NALCN: variants seen among roughly 807,000 people sequenced by gnomAD.
NALCN encodes the protein sodium leak channel NALCN.
In NALCN, 111 loss-of-function variants were observed where a neutral mutation model predicts 225.3. That is an observed-to-expected ratio of 0.49 (90% CI 0.42 to 0.58). The LOEUF (loss-of-function observed/expected upper bound fraction) is 0.58. Among genes scored for constraint, NALCN ranks in the 20% least tolerant of loss-of-function variants. The pLI, the probability that NALCN is intolerant of heterozygous loss-of-function variation, is 0.00. For missense variants in NALCN, 1,378 were observed against 2,202.4 expected (o/e 0.63, Z 7.49); for synonymous variants, 764 against 769.0 (o/e 0.99, Z 0.11).
chr13:101,262,996 C>T (rs2042479456), intron 10 of NALCN, among the ~76,000 whole-genome samples: 1 of 152,172 alleles, frequency 6.6e-6, no homozygotes, highest in African/African-American at 2.4e-5. Context: ...TTTTGTGAAT[C>T]AAGCATTTTT....
At chr13:101,189,503 C>A (rs1566406253) in intron 14 of NALCN, among the ~76,000 whole-genome samples, 1 of 152,288 alleles carries the variant, frequency 6.6e-6, no homozygotes, top group Non-Finnish European at 1.5e-5. Context: ...ACCTTGGAAA[C>A]TGGGTGTATT....
intron 6 of NALCN, among the ~76,000 whole-genome samples, chr13:101,373,830 T>C (rs893970598): frequency 6.6e-6 from 1 of 152,150 alleles, no homozygotes; most frequent in Non-Finnish European, 1.5e-5. Context: ...AGGATCATAA[T>C]TTTCAGGAAG....
intron 13 of NALCN, among the ~76,000 whole-genome samples, chr13:101,198,591 A>T (rs2140029832): frequency 6.6e-6 from 1 of 152,358 alleles, no homozygotes; most frequent in Non-Finnish European, 1.5e-5. Flanking sequence ...CCATAATGAG[A>T]TACTATCTCA....
chr13:101,241,401 G>C (rs547482836), intron 11 of NALCN, among the ~76,000 whole-genome samples: 5 of 152,078 alleles, frequency 3.3e-5, no homozygotes, highest in Non-Finnish European at 7.4e-5. Context: ...CGAGTGGGCA[G>C]GCTGTCTTAC....
chr13:101,372,237 C>A (rs1053765600), intron 6 of NALCN, among the ~76,000 whole-genome samples: 1 of 152,128 alleles, frequency 6.6e-6, no homozygotes, highest in Admixed American at 6.5e-5. Flanking sequence ...TTGAAAATTT[C>A]TGTCATGTCT....
chr13:101,402,664 T>A (rs2047507409), intron 1 of NALCN, among the ~76,000 whole-genome samples: 1 of 152,180 alleles, frequency 6.6e-6, no homozygotes, highest in Non-Finnish European at 1.5e-5. Context: ...CCTTAAGTGA[T>A]CACCTGTTGT....
chr13:101,392,291 A>C (rs1249930070), intron 3 of NALCN, among the ~76,000 whole-genome samples: 6 of 152,142 alleles, frequency 3.9e-5, no homozygotes, highest in African/African-American at 1.2e-4. Context: ...TATATAACAA[A>C]ACAACACATT....
chr13:101,367,986 ATTTAT>A lies in NALCN; in HGVS notation c.644+8709_644+8713del, dbSNP rs60539617. On this transcript the variant is annotated intron_variant, in intron 6 of 43. Transcript: ENST00000251127. ...GAATTCTTTTTTTGACTTTTTTGAA[ATTTAT>A]TTTATTTTATTTTATTTTATTATTA... Among the ~76,000 whole-genome samples, 630 of 148,340 alleles carry A rather than the reference ATTTAT, an allele frequency of 4.2e-3. No homozygotes were observed. The East Asian group carries it at 0.046, about 11-fold the overall frequency.
intron 15 of NALCN, among the ~76,000 whole-genome samples, chr13:101,150,422 A>T (rs1336806729): frequency 6.6e-6 from 1 of 152,194 alleles, no homozygotes; most frequent in African/African-American, 2.4e-5. Flanking sequence ...CAGTTAAGCA[A>T]AATTATTCCA....
chr13:101,129,301 CT>C (rs1008933169), intron 17 of NALCN, among the ~76,000 whole-genome samples: 4 of 152,128 alleles, frequency 2.6e-5, no homozygotes, highest in Admixed American at 2.6e-4. Context: ...TAACCAATTA[CT>C]ATTTAAAAAA....
chr13:101,310,361 T>C (rs116734161), intron 7 of NALCN, among the ~76,000 whole-genome samples: 39 of 152,290 alleles, frequency 2.6e-4, no homozygotes, highest in African/African-American at 8.9e-4. Context: ...TCAAGACCTG[T>C]TGGCCTCCTC....
At chr13:101,298,787 T>C (rs2043847676) in intron 7 of NALCN, among the ~76,000 whole-genome samples, 1 of 152,200 alleles carries the variant, frequency 6.6e-6, no homozygotes, top group East Asian at 1.9e-4. Flanking sequence ...CCCTGACCTC[T>C]ACCCACTAAA....
chr13:101,258,392 G>A (rs755572550), intron 11 of NALCN, 51 bp downstream of exon 11: 7 of 1,609,714 alleles, frequency 4.3e-6, no homozygotes, highest in South Asian at 2.2e-5. Context: ...GGCACTGTCC[G>A]CGGTTCACCT....
chr13:101,079,626 G>A (rs1566790381), intron 34 of NALCN, among the ~76,000 whole-genome samples: 1 of 152,186 alleles, frequency 6.6e-6, no homozygotes, highest in Non-Finnish European at 1.5e-5. Flanking sequence ...AGATTTGTGA[G>A]CAATTGATGA....
At chr13:101,112,565 C>T (rs753907731) in intron 18 of NALCN, among the ~76,000 whole-genome samples, 3 of 152,180 alleles carry the variant, frequency 2.0e-5, no homozygotes, top group Non-Finnish European at 4.4e-5. Flanking sequence ...GTTGAGTGAT[C>T]TTTGGGCCTA....
chr13:101,107,680 C>T lies in NALCN; in HGVS notation c.2456+18G>A, dbSNP rs769191728. 1 of 1,613,956 alleles carries T rather than the reference C, an allele frequency of 6.2e-7. No homozygotes were observed. Among genetic ancestry groups the T allele is most frequent in the Non-Finnish European group, 8.5e-7 (1 of 1,179,932 alleles). On this transcript the variant is annotated intron_variant, in intron 21 of 43. Transcript: ENST00000251127. ...CCATTCCCGAATGAGAGCCATGGGACACTGCAGCAACCTGTACCTTTTCAT... is the reference window on the plus strand; with the variant it reads ...CCATTCCCGAATGAGAGCCATGGGATACTGCAGCAACCTGTACCTTTTCAT...
At chr13:101,397,066 TTATATATATATATATATATATA>T (rs368771604) in intron 2 of NALCN, among the ~76,000 whole-genome samples, 22 of 56,390 alleles carry the variant, frequency 3.9e-4, no homozygotes, top group East Asian at 2.5e-3. Flanking sequence ...TATGAATGTA[TTATATATATATATATATATATA>T]TATATATATA....
chr13:101,357,056 T>C (rs1301775024), intron 6 of NALCN, among the ~76,000 whole-genome samples: 1 of 152,194 alleles, frequency 6.6e-6, no homozygotes, highest in Non-Finnish European at 1.5e-5. Context: ...AAGTGCTATT[T>C]GTGACAAACC....
rs965401323 is a variant in NALCN, at chr13:101,243,663, T to C, written c.1267-5741A>G. ...AAAGACCTGAAAAGCCATAGCTCCT[T>C]TGCTGAACATCTGAAGAAGGCTTTT... On this transcript the variant is annotated intron_variant, in intron 11 of 43. Transcript: ENST00000251127. 3.8e-5 allele frequency among the ~76,000 whole-genome samples: 4 copies of C among 105,552 alleles called. 2 individuals carry two copies. Among genetic ancestry groups the C allele is most frequent in the Admixed American group, 3.6e-4 (4 of 11,106 alleles). 69.2% of individuals were successfully genotyped at this position (105,552 alleles called of 152,430 possible).
Sources: gnomAD v4.1 joint callset for allele counts (sites outside exome capture counted in the v4.1 genomes callset) on GRCh38, gnomAD v4.1.1 for gene constraint, MANE v1.5 for transcripts, NCBI Gene and HGNC (gene_info 2026-07-23, HGNC 2026-07-21) for gene names.